LRRC34: variants seen among roughly 807,000 people sequenced by gnomAD.
The protein encoded by LRRC34 is leucine-rich repeat-containing protein 34.
A neutral mutation model predicts 48.5 loss-of-function variants in LRRC34; 44 were observed. The observed-to-expected ratio is 0.91, with a 90% CI of 0.71 to 1.17. The LOEUF (loss-of-function observed/expected upper bound fraction) is 1.17, where lower values mean the gene tolerates loss of function less well. Among genes scored for constraint, LRRC34 ranks in the 50% most tolerant of loss-of-function variants. The pLI is 0.00. For synonymous variants in LRRC34, 192 were observed against 197.6 expected, an observed-to-expected ratio of 0.97 and a Z score of 0.24; for missense variants, 502 against 563.0, an observed-to-expected ratio of 0.89 and a Z score of 1.10.
chr3:169,795,885 C>T, intron 9 of LRRC34: 1 of 1,157,788 alleles, frequency 8.6e-7, no homozygotes, highest in Admixed American at 4.3e-5. Context: ...TAAATGCATC[C>T]AAGTATTTTA....
chr3:169,803,840 A>G (rs1332380612), intron 6 of LRRC34: 2 of 341,804 alleles, frequency 5.9e-6, no homozygotes, highest in East Asian at 9.8e-5. Flanking sequence ...AGTTATATAG[A>G]TGGAAGTTTA....
chr3:169,810,172 C>T (rs903897322), intron 1 of LRRC34, among the ~76,000 whole-genome samples: 1 of 151,722 alleles, frequency 6.6e-6, no homozygotes, highest in Non-Finnish European at 1.5e-5. Context: ...AACTCCTGAC[C>T]TCAAGTGATC....
At chr3:169,807,299 T>C (rs1779411829) in intron 4 of LRRC34, 127 bp downstream of exon 4, 7 of 883,798 alleles carry the variant, frequency 7.9e-6, no homozygotes, top group Non-Finnish European at 1.2e-5. Context: ...TTCCAGTATA[T>C]TTCGAGTGTT....
chr3:169,807,826 G>A, intron 2 of LRRC34, 117 bp from the exon 3 acceptor site: 1 of 1,196,730 alleles, frequency 8.4e-7, no homozygotes, highest in Non-Finnish European at 1.1e-6. Flanking sequence ...ATCATTTACT[G>A]GAAGCAAGCA....
At chr3:169,810,954 C>T (rs1779541588) in intron 1 of LRRC34, among the ~76,000 whole-genome samples, 1 of 152,238 alleles carries the variant, frequency 6.6e-6, no homozygotes, top group Non-Finnish European at 1.5e-5. Flanking sequence ...GTCCCAGCTA[C>T]TTCGGAGGCT....
At chr3:169,808,507 T>G (rs765794196) in intron 2 of LRRC34, 121 bp downstream of exon 2, 20 of 606,274 alleles carry the variant, frequency 3.3e-5, no homozygotes, top group Non-Finnish European at 5.3e-5. Flanking sequence ...CTGAATCAAA[T>G]GGTATGTTCA....
At chr3:169,807,952 T>A (rs1305906654) in intron 2 of LRRC34, 2 of 431,610 alleles carry the variant, frequency 4.6e-6, no homozygotes, top group Non-Finnish European at 4.0e-6. Context: ...TCACACACAC[T>A]CACACTCACA....
rs143542396 is a variant in LRRC34 at position 169,793,426 on chromosome 3, T to G, written c.*209A>C. 1.6e-5 allele frequency: 7 copies of G among 433,312 alleles called. No homozygotes were observed. Among genetic ancestry groups the G allele is most frequent in the Admixed American group, 3.9e-5 (1 of 25,448 alleles). 26.8% of individuals were successfully genotyped at this position (433,312 alleles called of 1,614,324 possible). The stretch of plus-strand genomic sequence containing the variant: ...GGTCTCTTTCTCCAGGGTTAGAATT[T>G]TAGTCTCTATATTGTAAAATTTCTT... On this transcript the variant is annotated 3_prime_UTR_variant, in exon 11 of 11. Coordinates refer to ENST00000446859, the MANE Select transcript of LRRC34 (RefSeq NM_001172779.2).
At chr3:169,811,444 C>T (rs1313261486) in intron 1 of LRRC34, among the ~76,000 whole-genome samples, 1 of 152,108 alleles carries the variant, frequency 6.6e-6, no homozygotes, top group Admixed American at 6.5e-5. Context: ...TTTTGTATGC[C>T]AGGATTTTGT....
chr3:169,796,584 C>T, intron 8 of LRRC34, 161 bp downstream of exon 8: 1 of 897,804 alleles, frequency 1.1e-6, no homozygotes. Flanking sequence ...TAAAAGATAG[C>T]AGTATTAAAT....
At chr3:169,811,877 A>C (rs77897408) in intron 1 of LRRC34, among the ~76,000 whole-genome samples, 1 of 142,450 alleles carries the variant, frequency 7.0e-6, no homozygotes, top group Non-Finnish European at 1.5e-5. Context: ...CGTATCCACA[A>C]ACAGACTTTA....
rs1029510389 is a variant in LRRC34 at position 169,800,848 on chromosome 3, A to G, written c.658-94T>C. ...AGATCAGCTATCTGCATTCTGATAAAATTGTTTTTAAAATTTAAGCATTCC... is the reference window on the plus strand; with the variant it reads ...AGATCAGCTATCTGCATTCTGATAAGATTGTTTTTAAAATTTAAGCATTCC... On this transcript the variant is annotated intron_variant, in intron 6 of 10. Coordinates refer to ENST00000446859, the MANE Select transcript of LRRC34 (RefSeq NM_001172779.2). The G allele has an allele frequency of 1.3e-4, 101 of 804,170 alleles. No homozygotes were observed. In the African/African-American group the frequency reaches 1.6e-3, roughly 13 times the overall value. The allele number at this position is 804,170 out of a possible 1,614,324, so 49.8% of individuals were successfully genotyped here. A position where few individuals can be genotyped will look rare whatever the true frequency, so the allele number is the denominator to read the frequency against.
chr3:169,796,980 A>G (rs1402150173), intron 7 of LRRC34, 81 bp from the exon 8 acceptor site: 2 of 1,124,282 alleles, frequency 1.8e-6, no homozygotes, highest in Non-Finnish European at 2.4e-6. Flanking sequence ...TGTTATTTAA[A>G]TTAGCTTTTT....
intron 6 of LRRC34, among the ~76,000 whole-genome samples, 197 bp from the exon 7 acceptor site, chr3:169,800,951 T>A (rs1386147156): frequency 6.6e-6 from 1 of 152,196 alleles, no homozygotes; most frequent in East Asian, 1.9e-4. Flanking sequence ...CTAAAATCTA[T>A]CTAAAACATG....
chr3:169,795,346 A>T, intron 10 of LRRC34, 139 bp downstream of exon 10: 1 of 835,704 alleles, frequency 1.2e-6, no homozygotes, highest in Non-Finnish European at 1.7e-6. Context: ...TCTAGTAGTT[A>T]ATTTTAAGAC....
chr3:169,795,820 C>G, intron 9 of LRRC34: 6 of 1,237,416 alleles, frequency 4.8e-6, no homozygotes, highest in Non-Finnish European at 6.1e-6. Context: ...TGAAAGTCTT[C>G]TGTTTTATAT....
chr3:169,797,327 C>T (rs1329658555), intron 7 of LRRC34, among the ~76,000 whole-genome samples: 1 of 152,134 alleles, frequency 6.6e-6, no homozygotes, highest in Non-Finnish European at 1.5e-5. Context: ...GGTTTTCAGA[C>T]AAAATACAAA....
Position 169,796,730 on chromosome 3 carries a change from T to C in LRRC34, c.908+15A>G. On this transcript the variant is annotated intron_variant, in intron 8 of 10. Coordinates refer to ENST00000446859, the MANE Select transcript of LRRC34 (RefSeq NM_001172779.2). ...TATTTAACTTTGAATTATTAATGTG[T>C]AAATTATCACTTACCAGCTGACATC... 6 of 1,598,906 alleles carry C rather than the reference T, an allele frequency of 3.8e-6. No individual in the cohort carries two copies. Among genetic ancestry groups the C allele is most frequent in the Non-Finnish European group, 5.1e-6 (6 of 1,174,954 alleles).
chr3:169,800,565 A>C (rs1779152380), intron 7 of LRRC34, 94 bp downstream of exon 7: 2 of 631,756 alleles, frequency 3.2e-6, no homozygotes, highest in Non-Finnish European at 5.1e-6. Flanking sequence ...ATCTCTAAAA[A>C]TACAGTGTAT....
Sources: gnomAD v4.1 joint callset for allele counts (sites outside exome capture counted in the v4.1 genomes callset) on GRCh38, gnomAD v4.1.1 for gene constraint, MANE v1.5 for transcripts, NCBI Gene and HGNC (gene_info 2026-07-23, HGNC 2026-07-21) for gene names.